Variants in CSMD1 observed in about 807,000 individuals in gnomAD.
The protein encoded by CSMD1 is CUB and sushi domain-containing protein 1.
A neutral mutation model predicts 417.5 loss-of-function variants in CSMD1; 213 were observed. The observed-to-expected ratio is 0.51, with a 90% confidence interval of 0.46 to 0.57. The LOEUF (loss-of-function observed/expected upper bound fraction) is 0.57. Ranked by LOEUF, CSMD1 falls within the 20% of genes least tolerant of loss-of-function variation. The probability of loss-of-function intolerance (pLI) is 0.00; values close to 1 mark genes in which losing one functional copy is unlikely to be tolerated. For missense variants in CSMD1, 6,923 were observed against 4,529.7 expected (o/e 1.53, Z -15.17); for synonymous variants, 2,862 against 1,736.8 (o/e 1.65, Z -16.11).
At chr8:3,486,382 G>T (rs1208949034) in intron 11 of CSMD1, among the ~76,000 whole-genome samples, 1 of 152,156 alleles carries the variant, frequency 6.6e-6, no homozygotes, top group Non-Finnish European at 1.5e-5. Flanking sequence ...TGTTTTAATG[G>T]ACTTATCTCC....
chr8:4,437,248 T>C (rs1393620778), intron 2 of CSMD1, among the ~76,000 whole-genome samples: 2 of 152,164 alleles, frequency 1.3e-5, no homozygotes, highest in East Asian at 3.9e-4. Flanking sequence ...GGTTCTGAAA[T>C]TAGGCAGTAG....
chr8:3,177,136 G>C (rs983855564), intron 37 of CSMD1, among the ~76,000 whole-genome samples: 2 of 152,120 alleles, frequency 1.3e-5, no homozygotes, highest in Non-Finnish European at 1.5e-5. Flanking sequence ...CGCATGCTAC[G>C]TGTGAAGCAA....
At chr8:4,371,021 T>C (rs11780622) in intron 3 of CSMD1, among the ~76,000 whole-genome samples, 47,254 of 152,144 alleles carry the variant, frequency 0.31, 7,692 homozygotes, top group African/African-American at 0.4. Context: ...TACTAGGGTC[T>C]TGGAGTGGTT....
At chr8:4,383,720 T>A (rs1055489538) in intron 3 of CSMD1, among the ~76,000 whole-genome samples, 1 of 152,038 alleles carries the variant, frequency 6.6e-6, no homozygotes, top group Non-Finnish European at 1.5e-5. Flanking sequence ...CCCTGTCCCA[T>A]GAGAAATTCC....
At chr8:4,111,844 A>G (rs1164400691) in intron 3 of CSMD1, among the ~76,000 whole-genome samples, 1 of 152,148 alleles carries the variant, frequency 6.6e-6, no homozygotes, top group Admixed American at 6.5e-5. Context: ...TGATGGGTTG[A>G]TAGGTGCCGC....
intron 23 of CSMD1, among the ~76,000 whole-genome samples, chr8:3,330,185 T>C (rs913360538): frequency 6.6e-6 from 1 of 152,172 alleles, no homozygotes; most frequent in African/African-American, 2.4e-5. Context: ...TCAATTACTA[T>C]AGCATTCTTC....
chr8:3,180,111 A>G (rs1399477913), intron 37 of CSMD1, among the ~76,000 whole-genome samples: 2 of 152,238 alleles, frequency 1.3e-5, no homozygotes, highest in Non-Finnish European at 2.9e-5. Context: ...TATCAACGTT[A>G]AACATTTTTA....
chr8:4,800,728 C>T (rs969648215), intron 1 of CSMD1, among the ~76,000 whole-genome samples: 2 of 152,132 alleles, frequency 1.3e-5, no homozygotes, highest in Non-Finnish European at 2.9e-5. Context: ...AGCTGCATTG[C>T]TTAAGGCCTC....
At chr8:4,744,729 T>C (rs948292673) in intron 1 of CSMD1, among the ~76,000 whole-genome samples, 2 of 152,170 alleles carry the variant, frequency 1.3e-5, no homozygotes, top group South Asian at 2.1e-4. Context: ...TTAATGATAA[T>C]TATACTAATT....
chr8:4,679,223 A>AT (rs1176729162), intron 1 of CSMD1, among the ~76,000 whole-genome samples: 3 of 152,294 alleles, frequency 2.0e-5, no homozygotes, highest in African/African-American at 7.2e-5. Flanking sequence ...CCCTGGACAC[A>AT]TGGCACTGTT....
chr8:3,392,598 C>T (rs1016550285), intron 17 of CSMD1, among the ~76,000 whole-genome samples: 14 of 152,124 alleles, frequency 9.2e-5, no homozygotes, highest in East Asian at 5.8e-4. Flanking sequence ...CCCTGGAGCC[C>T]GGGATCTGCG....
chr8:4,471,095 G>T lies in CSMD1; in HGVS notation c.303-51030C>A, dbSNP rs58593589. 3.6e-3 allele frequency among the ~76,000 whole-genome samples: 541 copies of T among 152,136 alleles called. 3 individuals carry two copies. Among genetic ancestry groups the T allele is most frequent in the African/African-American group, 0.013 (519 of 41,510 alleles). On this transcript the variant is annotated intron_variant, in intron 2 of 69. Transcript: ENST00000635120. ...TTAAAATCTTTGACATATTTGTTTT[G>T]TATTTGTGTGAAATGTTTAATTTTT...
intron 3 of CSMD1, among the ~76,000 whole-genome samples, chr8:4,172,663 G>A (rs1797831889): frequency 6.6e-6 from 1 of 152,132 alleles, no homozygotes; most frequent in Admixed American, 6.5e-5. Context: ...TTAAATATGG[G>A]CTGGACCAGG....
At chr8:3,644,966 G>GAAAAAAAAAAAAA (rs71203456) in intron 7 of CSMD1, among the ~76,000 whole-genome samples, 18 of 64,520 alleles carry the variant, frequency 2.8e-4, no homozygotes, top group African/African-American at 1.0e-3. Flanking sequence ...GGCTTTAAAT[G>GAAAAAAAAAAAAA]AAAAAAAAAA....
chr8:3,696,958 A>T (rs562054558), intron 7 of CSMD1, among the ~76,000 whole-genome samples: 1 of 152,274 alleles, frequency 6.6e-6, no homozygotes, highest in South Asian at 2.1e-4. Flanking sequence ...CGTGGACTAT[A>T]GAGTTTGGGA....
At chr8:4,458,569 C>A (rs957465245) in intron 2 of CSMD1, among the ~76,000 whole-genome samples, 4 of 151,968 alleles carry the variant, frequency 2.6e-5, no homozygotes, top group Non-Finnish European at 5.9e-5. Context: ...CTTTGAAAGA[C>A]ATTGTAACAG....
intron 69 of CSMD1, among the ~76,000 whole-genome samples, 183 bp from the exon 70 acceptor site, chr8:2,938,927 G>C (rs988484108): frequency 1.3e-5 from 2 of 152,132 alleles, no homozygotes; most frequent in Non-Finnish European, 2.9e-5. Context: ...GTGATTGGGA[G>C]TATAAAATGG....
chr8:4,238,498 G>T (rs1802201105), intron 3 of CSMD1, among the ~76,000 whole-genome samples: 1 of 152,182 alleles, frequency 6.6e-6, no homozygotes, highest in African/African-American at 2.4e-5. Flanking sequence ...ACATTAAGAG[G>T]TGACTAGAGG....
At position 3,190,023 on chromosome 8, in the gene CSMD1, C is replaced by T. The variant is rs752235970; in HGVS notation, c.5287G>A (p.Val1763Ile). Residue 1763 changes from valine (V) to isoleucine (I), a missense_variant, in exon 34 of 70, where the codon GTC becomes ATC. Transcript: ENST00000635120. ...TATCCCGGGTTGCACTCGAATCGGA[C>T]GATGGAGCCGGCAGAAAACTCAGAA... ...IGSEFSAGSIVRFECNPGYLL... is the reference protein window; with the variant it reads ...IGSEFSAGSIIRFECNPGYLL... 5 of 1,594,996 alleles carry T rather than the reference C, an allele frequency of 3.1e-6. No homozygotes were observed. In the South Asian group the frequency reaches 3.4e-5, roughly 11 times the overall value.
Sources: gnomAD v4.1 joint callset for allele counts (sites outside exome capture counted in the v4.1 genomes callset) on GRCh38, gnomAD v4.1.1 for gene constraint, MANE v1.5 for transcripts, NCBI Gene and HGNC (gene_info 2026-07-23, HGNC 2026-07-21) for gene names.